Variants in DDX10 observed in about 807,000 individuals in gnomAD.
DDX10 encodes probable ATP-dependent RNA helicase DDX10.
In DDX10, 74 loss-of-function variants were observed where a neutral mutation model predicts 104.3. That is an observed-to-expected ratio of 0.71 (90% CI 0.59 to 0.86). The LOEUF is 0.86. Among genes scored for constraint, DDX10 ranks in the 40% least tolerant of loss-of-function variants. The pLI, the probability that DDX10 is intolerant of heterozygous loss-of-function variation, is 0.00. For missense variants in DDX10, 952 were observed against 1,040.0 expected (o/e 0.92, Z 1.16); for synonymous variants, 351 against 353.4 (o/e 0.99, Z 0.08).
At chr11:108,739,831 C>G (rs2094322966) in intron 13 of DDX10, among the ~76,000 whole-genome samples, 1 of 152,128 alleles carries the variant, frequency 6.6e-6, no homozygotes, top group South Asian at 2.1e-4. Flanking sequence ...CTAAATTAAT[C>G]CACCCGTCAT....
chr11:108,685,851 T>A (rs1217377281), intron 6 of DDX10, among the ~76,000 whole-genome samples: 3 of 152,242 alleles, frequency 2.0e-5, no homozygotes, highest in Non-Finnish European at 2.9e-5. Flanking sequence ...TTATTACTGA[T>A]AATATGATTA....
In DDX10 at chr11:108,766,017, G is replaced by A. The variant is rs145606847; in HGVS notation, c.1965+42555G>A. 4.6e-5 allele frequency among the ~76,000 whole-genome samples: 7 copies of A among 152,286 alleles called. No homozygotes were observed. The East Asian group carries it at 1.2e-3, about 25-fold the overall frequency. On this transcript the variant is annotated intron_variant, in intron 13 of 17. Coordinates refer to ENST00000322536, the MANE Select transcript of DDX10 (RefSeq NM_004398.4). ...ATTCCTAATTGCTGCAAAGCCTTAC[G>A]TAAATGTTACTGATAGTGTTTTACT... is the stretch of plus-strand genomic sequence containing the variant.
chr11:108,857,587 G>A (rs1389787469), intron 16 of DDX10, among the ~76,000 whole-genome samples: 1 of 152,112 alleles, frequency 6.6e-6, no homozygotes, highest in Admixed American at 6.5e-5. Flanking sequence ...GTTGGCTGAG[G>A]GCAGGCTTTC....
intron 1 of DDX10, among the ~76,000 whole-genome samples, chr11:108,665,562 G>A (rs1025231190): frequency 6.6e-6 from 1 of 151,988 alleles, no homozygotes; most frequent in African/African-American, 2.4e-5. Context: ...CCGTACCTAA[G>A]GGTAGGGAGA....
chr11:108,718,841 T>C (rs998946393), intron 11 of DDX10, among the ~76,000 whole-genome samples: 15 of 152,152 alleles, frequency 9.9e-5, no homozygotes, highest in African/African-American at 3.4e-4. Flanking sequence ...GGGGAAAAAA[T>C]TATTTTTAAA....
chr11:108,676,945 T>C (rs1238317587), intron 3 of DDX10, 140 bp from the exon 4 acceptor site: 1 of 676,204 alleles, frequency 1.5e-6, no homozygotes, highest in Non-Finnish European at 2.4e-6. Flanking sequence ...AACAAAATCA[T>C]TTACTTTGGA....
intron 15 of DDX10, among the ~76,000 whole-genome samples, chr11:108,844,304 A>G (rs1162396502): frequency 6.6e-6 from 1 of 152,244 alleles, no homozygotes; most frequent in Non-Finnish European, 1.5e-5. Flanking sequence ...AGTTTTCTCT[A>G]TTCGACTGAT....
intron 13 of DDX10, among the ~76,000 whole-genome samples, chr11:108,802,110 G>A (rs1328634300): frequency 6.6e-6 from 1 of 151,728 alleles, no homozygotes; most frequent in African/African-American, 2.4e-5. Context: ...AGTATGTGTG[G>A]GTAGGTCTGG....
chr11:108,931,236 A>C (rs1389965999), intron 17 of DDX10, among the ~76,000 whole-genome samples: 1 of 152,242 alleles, frequency 6.6e-6, no homozygotes, highest in Non-Finnish European at 1.5e-5. Context: ...AAGTAAGATC[A>C]TGCCCACCAT....
At chr11:108,820,242 T>A (rs537868702) in intron 13 of DDX10, among the ~76,000 whole-genome samples, 1 of 152,268 alleles carries the variant, frequency 6.6e-6, no homozygotes, top group East Asian at 1.9e-4. Context: ...TTCTGAAAGG[T>A]TTAGATTTGT....
chr11:108,887,639 A>T (rs1863316555), intron 16 of DDX10, among the ~76,000 whole-genome samples: 2 of 151,452 alleles, frequency 1.3e-5, no homozygotes, highest in African/African-American at 4.8e-5. Context: ...TTTTGGCCAG[A>T]TGCAGTGGCT....
intron 16 of DDX10, chr11:108,860,537 AT>A (rs907337260): frequency 1.7e-4 from 26 of 149,146 alleles, no homozygotes; most frequent in South Asian, 4.3e-4. Context: ...GGAAGCCACT[AT>A]TTTTTTTTTC....
chr11:108,781,461 C>G (rs145756703), intron 13 of DDX10, among the ~76,000 whole-genome samples: 1 of 152,174 alleles, frequency 6.6e-6, no homozygotes, highest in East Asian at 1.9e-4. Context: ...AGCTCTTATA[C>G]AGTTGTTTCA....
At chr11:108,800,202 G>A (rs373246553) in intron 13 of DDX10, among the ~76,000 whole-genome samples, 1 of 151,146 alleles carries the variant, frequency 6.6e-6, no homozygotes, top group South Asian at 2.1e-4. Flanking sequence ...CCAGCACTTT[G>A]GGAGGCCGAG....
At chr11:108,688,724 A>G (rs1299540802) in intron 6 of DDX10, among the ~76,000 whole-genome samples, 5 of 152,202 alleles carry the variant, frequency 3.3e-5, no homozygotes, top group East Asian at 1.9e-4. Flanking sequence ...TTTGTTTGAC[A>G]TTGATTTACA....
At chr11:108,922,984 G>A (rs1217540788) in intron 17 of DDX10, among the ~76,000 whole-genome samples, 1 of 152,186 alleles carries the variant, frequency 6.6e-6, no homozygotes, top group Admixed American at 6.5e-5. Flanking sequence ...AGGTGTAGAA[G>A]GGAGAGCTTG....
At chr11:108,852,970 A>G (rs1439064871) in intron 16 of DDX10, among the ~76,000 whole-genome samples, 11 of 152,186 alleles carry the variant, frequency 7.2e-5, no homozygotes, top group Non-Finnish European at 8.8e-5. Flanking sequence ...GGAAGCCTAT[A>G]ATATTCTTCG....
At chr11:108,715,805 G>T (rs1386882432) in intron 10 of DDX10, 74 bp from the exon 11 acceptor site, 1 of 743,708 alleles carries the variant, frequency 1.3e-6, no homozygotes, top group Non-Finnish European at 2.3e-6. Flanking sequence ...AGGAAAATAG[G>T]AAAATGCTGC....
intron 13 of DDX10, among the ~76,000 whole-genome samples, chr11:108,776,086 T>A (rs2094369519): frequency 2.6e-5 from 4 of 152,216 alleles, no homozygotes; most frequent in Non-Finnish European, 1.5e-5. Flanking sequence ...ATATCTGTTG[T>A]GGTTTCACCC....
Sources: gnomAD v4.1 joint callset for allele counts (sites outside exome capture counted in the v4.1 genomes callset) on GRCh38, gnomAD v4.1.1 for gene constraint, MANE v1.5 for transcripts, NCBI Gene and HGNC (gene_info 2026-07-23, HGNC 2026-07-21) for gene names.